The following CNTN1 variants were observed in gnomAD, a reference collection of about 807,000 sequenced individuals.
CNTN1 encodes the protein contactin 1, also known as contactin-1.
A neutral mutation model predicts 126.4 loss-of-function variants in CNTN1; 38 were observed. That is an observed-to-expected ratio of 0.30 (90% CI 0.23 to 0.39). CNTN1 has a LOEUF of 0.39. CNTN1 is among the 10% of genes least tolerant of loss of function. CNTN1 has a pLI of 1.00. For synonymous variants in CNTN1, 413 were observed against 422.6 expected, an observed-to-expected ratio of 0.98 and a Z score of 0.28; for missense variants, 1,009 against 1,248.4, an observed-to-expected ratio of 0.81 and a Z score of 2.89.
chr12:40,834,603 TG>T (rs1318565657), intron 1 of CNTN1, among the ~76,000 whole-genome samples: 2 of 152,096 alleles, frequency 1.3e-5, no homozygotes, highest in African/African-American at 4.8e-5. Context: ...ATTGAAGAAC[TG>T]GGTGGATAGG....
At chr12:41,046,004 G>A (rs1221285913) in intron 23 of CNTN1, among the ~76,000 whole-genome samples, 1 of 152,102 alleles carries the variant, frequency 6.6e-6, no homozygotes. Flanking sequence ...AGGAAGAGTC[G>A]AGGGTGTGGC....
intron 1 of CNTN1, among the ~76,000 whole-genome samples, chr12:40,836,961 A>T (rs1323771736): frequency 2.0e-5 from 3 of 152,182 alleles, no homozygotes; most frequent in Non-Finnish European, 2.9e-5. Flanking sequence ...ATATCACCAT[A>T]ATTTTGCTAA....
intron 1 of CNTN1, among the ~76,000 whole-genome samples, chr12:40,760,475 TTTTTGCAGTTC>T (rs1002951886): frequency 1.1e-4 from 16 of 152,280 alleles, no homozygotes; most frequent in African/African-American, 3.8e-4. Context: ...AATGTTTTTT[TTTTTGCAGTTC>T]TTTTGCAGTT....
Position 40,993,231 on chromosome 12 carries a change from C to T in CNTN1, c.2075C>T (p.Pro692Leu). Reference protein sequence around the residue: ...VATNTLGRGEPSIPSNRIKTD... With the variant: ...VATNTLGRGELSIPSNRIKTD... ...ACCAATACACTGGGTAGAGGAGAGC[C>T]CAGTATACCATCTAACAGAATTAAA... Residue 692 changes from proline (P) to leucine (L), a missense_variant, in exon 17 of 24, where the codon CCC becomes CTC. By Grantham distance (98) the Pro-to-Leu change is moderately conservative. Transcript: ENST00000551295. The T allele has an allele frequency of 1.9e-6, 3 of 1,613,622 alleles. No homozygotes were observed. The highest frequency in any genetic ancestry group is 2.5e-6 in the Non-Finnish European group (3 of 1,179,754).
chr12:40,826,260 T>C (rs1320318177), intron 1 of CNTN1, among the ~76,000 whole-genome samples: 1 of 152,170 alleles, frequency 6.6e-6, no homozygotes, highest in Non-Finnish European at 1.5e-5. Context: ...ATTGATTCTA[T>C]ATATGATTAA....
intron 23 of CNTN1, among the ~76,000 whole-genome samples, chr12:41,051,308 C>T (rs1949674903): frequency 2.0e-5 from 3 of 150,180 alleles, no homozygotes; most frequent in Admixed American, 1.3e-4. Flanking sequence ...CCACCATGCC[C>T]AGATAATTTT....
intron 1 of CNTN1, among the ~76,000 whole-genome samples, chr12:40,873,519 C>T (rs1014756151): frequency 5.3e-5 from 8 of 152,024 alleles, no homozygotes; most frequent in Non-Finnish European, 1.0e-4. Flanking sequence ...ATTTTTTAAA[C>T]CAAAACATGT....
chr12:40,720,938 CA>C (rs146396039), intron 1 of CNTN1, among the ~76,000 whole-genome samples: 42 of 143,908 alleles, frequency 2.9e-4, no homozygotes, highest in African/African-American at 9.5e-4. Flanking sequence ...CTCAAAAAAA[CA>C]AAAAAAGAGA....
chr12:40,920,533 AT>A (rs1945399967), intron 4 of CNTN1, among the ~76,000 whole-genome samples: 2 of 152,204 alleles, frequency 1.3e-5, no homozygotes, highest in Non-Finnish European at 2.9e-5. Flanking sequence ...CAGAAAAAAA[AT>A]CAGCTCATGA....
At chr12:40,724,713 A>G (rs1273562635) in intron 1 of CNTN1, among the ~76,000 whole-genome samples, 1 of 152,204 alleles carries the variant, frequency 6.6e-6, no homozygotes, top group Non-Finnish European at 1.5e-5. Context: ...AGATTTATAC[A>G]TTGTTTACTA....
intron 14 of CNTN1, among the ~76,000 whole-genome samples, chr12:40,953,380 T>A (rs1292816239): frequency 6.6e-6 from 1 of 152,190 alleles, no homozygotes. Context: ...TGATCTTTAC[T>A]TGCTTTGTAA....
At chr12:40,785,457 C>T (rs1275661479) in intron 1 of CNTN1, among the ~76,000 whole-genome samples, 1 of 152,104 alleles carries the variant, frequency 6.6e-6, no homozygotes, top group Non-Finnish European at 1.5e-5. Flanking sequence ...GTGTGAGCAA[C>T]AAGGCTGTTT....
intron 1 of CNTN1, among the ~76,000 whole-genome samples, chr12:40,707,071 CACACACACACACACACA>C (rs1941772969): frequency 1.3e-5 from 2 of 150,786 alleles, no homozygotes; most frequent in African/African-American, 2.5e-5. Flanking sequence ...CACACACACA[CACACACACACACACACA>C]CCCCTGCTCA....
intron 6 of CNTN1, among the ~76,000 whole-genome samples, chr12:40,927,381 C>T (rs904804202): frequency 5.3e-5 from 8 of 151,962 alleles, no homozygotes; most frequent in Non-Finnish European, 8.8e-5. Context: ...ACATCTCATC[C>T]GTAAGTCGGA....
chr12:40,762,256 T>C (rs1008590705), intron 1 of CNTN1, among the ~76,000 whole-genome samples: 1 of 152,164 alleles, frequency 6.6e-6, no homozygotes, highest in Admixed American at 6.5e-5. Flanking sequence ...AAAGTAGAAA[T>C]AGCCTTAAAC....
At chr12:41,000,571 C>T (rs1948330378) in intron 17 of CNTN1, among the ~76,000 whole-genome samples, 1 of 151,884 alleles carries the variant, frequency 6.6e-6, no homozygotes, top group African/African-American at 2.4e-5. Flanking sequence ...AAAATAAAAT[C>T]TCTCAAACTT....
intron 1 of CNTN1, among the ~76,000 whole-genome samples, chr12:40,842,398 G>A (rs1002647479): frequency 6.6e-6 from 1 of 151,956 alleles, no homozygotes; most frequent in Non-Finnish European, 1.5e-5. Flanking sequence ...GAGAAGAATT[G>A]CTATGTTCCC....
chr12:40,959,216 G>A lies in CNTN1; in HGVS notation c.1786G>A (p.Ala596Thr), dbSNP rs752400547. 6.2e-7 allele frequency: 1 copy of A among 1,612,654 alleles called. No homozygotes were observed. The highest frequency in any genetic ancestry group is 8.5e-7 in the Non-Finnish European group (1 of 1,179,068). Residue 596 changes from alanine to threonine, a missense_variant, in exon 15 of 24, where the codon GCT (alanine) becomes ACT (threonine). Ala to Thr is a moderately conservative substitution (Grantham distance 58). Transcript: ENST00000551295. ...AATTGTGGACAATTCTTCAGCTTCA[G>A]CTGACCTTGTAGTGAGAGGTAAGAG... is the stretch of plus-strand genomic sequence containing the variant. The part of the protein sequence containing the change: ...QTIVDNSSAS[A>T]DLVVRGPPGP...
chr12:40,978,243 T>C (rs980311471), intron 15 of CNTN1, among the ~76,000 whole-genome samples: 5 of 152,152 alleles, frequency 3.3e-5, no homozygotes, highest in African/African-American at 1.2e-4. Context: ...CTAAAATCCC[T>C]GTTTTTTAAT....
Sources: gnomAD v4.1 joint callset for allele counts (sites outside exome capture counted in the v4.1 genomes callset) on GRCh38, gnomAD v4.1.1 for gene constraint, MANE v1.5 for transcripts, NCBI Gene and HGNC (gene_info 2026-07-23, HGNC 2026-07-21) for gene names.